TAF12: variants seen among roughly 807,000 people sequenced by gnomAD.
The protein encoded by TAF12 is TATA-box binding protein associated factor 12, also known as transcription initiation factor TFIID subunit 12.
TAF12 carries 3 observed loss-of-function variants against 20.8 expected under a neutral mutation model. The observed-to-expected ratio is 0.14, with a 90% CI of 0.07 to 0.37. The LOEUF (loss-of-function observed/expected upper bound fraction) is 0.37, where lower values mean the gene tolerates loss of function less well. Ranked by LOEUF, TAF12 falls within the 10% of genes least tolerant of loss-of-function variation. TAF12 has a pLI of 1.00. For missense variants in TAF12, 131 were observed against 197.9 expected (o/e 0.66, Z 2.03); for synonymous variants, 69 against 70.2 (o/e 0.98, Z 0.09).
At position 28,603,491 on chromosome 1, in the gene TAF12, C is replaced by G; in HGVS notation, c.*48G>C. 1 of 1,606,358 alleles carries G rather than the reference C, an allele frequency of 6.2e-7. No homozygotes were observed. The highest frequency in any genetic ancestry group is 1.1e-5 in the South Asian group (1 of 90,710). ...GGATGAGATGGCTGAGTTCTCAGCT[C>G]AAGTATCTCCAAATACATTGCTGTC... On this transcript the variant is annotated 3_prime_UTR_variant, in exon 6 of 6. Coordinates refer to ENST00000373824, the MANE Select transcript of TAF12 (RefSeq NM_005644.4).
At chr1:28,611,399 C>T (rs895645793) in intron 4 of TAF12, among the ~76,000 whole-genome samples, 14 of 152,182 alleles carry the variant, frequency 9.2e-5, no homozygotes, top group African/African-American at 1.7e-4. Flanking sequence ...AGATATGTTG[C>T]GGTCTTAACC....
chr1:28,605,466 AG>A lies in TAF12; in HGVS notation c.362-7del. 6.2e-7 allele frequency: 1 copy of A among 1,614,024 alleles called. No homozygotes were observed. Among genetic ancestry groups the A allele is most frequent in the Non-Finnish European group, 8.5e-7 (1 of 1,179,986 alleles). ...CCACATGTTCCACTGGCGCTCTGCA[AG>A]GAAGAAGCCAGCACAGAGATAAACG... On this transcript the variant is annotated splice_polypyrimidine_tract_variant and splice_region_variant and intron_variant, in intron 4 of 5. Transcript: ENST00000373824.
At chr1:28,631,113 C>T (rs773471094) in intron 1 of TAF12, among the ~76,000 whole-genome samples, 2 of 146,824 alleles carry the variant, frequency 1.4e-5, no homozygotes, top group Non-Finnish European at 3.0e-5. Flanking sequence ...ACATATCCAA[C>T]AAATGACTTG....
chr1:28,611,001 T>C (rs537953287), intron 4 of TAF12, among the ~76,000 whole-genome samples: 2 of 149,818 alleles, frequency 1.3e-5, no homozygotes, highest in African/African-American at 2.4e-5. Context: ...GGAGTCTGTG[T>C]TCCCTCCCCC....
In TAF12 at chr1:28,622,092, G is replaced by GT. The variant is rs1667239509; in HGVS notation, c.-12_-11insA. Reference sequence around the variant, plus strand: ...GCCAAACTGGTTCATAATCTGCCGAGCTTTGGACTTCAGCTCATAGAGCTT... The same window carrying GT: ...GCCAAACTGGTTCATAATCTGCCGAGTCTTTGGACTTCAGCTCATAGAGCTT... On this transcript the variant is annotated 5_prime_UTR_variant, in exon 2 of 6. Transcript: ENST00000373824. 1.2e-6 allele frequency: 2 copies of GT among 1,608,986 alleles called. No homozygotes were observed. Among genetic ancestry groups the GT allele is most frequent in the African/African-American group, 1.3e-5 (1 of 74,674 alleles).
At chr1:28,604,828 A>G (rs1333972474) in intron 5 of TAF12, among the ~76,000 whole-genome samples, 1 of 152,182 alleles carries the variant, frequency 6.6e-6, no homozygotes, top group Non-Finnish European at 1.5e-5. Flanking sequence ...CTGACCAAAG[A>G]TGGGGATGAC....
At chr1:28,620,227 G>A (rs527789813) in intron 2 of TAF12, among the ~76,000 whole-genome samples, 10 of 150,698 alleles carry the variant, frequency 6.6e-5, no homozygotes, top group South Asian at 4.2e-4. Flanking sequence ...TCTGCCTCCC[G>A]GGTTCAGGTG....
intron 1 of TAF12, among the ~76,000 whole-genome samples, chr1:28,639,403 T>C (rs1219950974): frequency 9.0e-6 from 1 of 111,572 alleles, no homozygotes; most frequent in Non-Finnish European, 1.8e-5. Context: ...GTAACAAGAG[T>C]GAAAGAGCGA....
intron 4 of TAF12, among the ~76,000 whole-genome samples, chr1:28,612,438 C>CAA (rs930047219): frequency 4.4e-5 from 6 of 137,676 alleles, no homozygotes; most frequent in East Asian, 2.0e-4. Context: ...GAGACTCGAT[C>CAA]AAAAAAATAT....
intron 4 of TAF12, among the ~76,000 whole-genome samples, chr1:28,610,404 G>C (rs1410251124): frequency 2.0e-5 from 3 of 152,166 alleles, no homozygotes; most frequent in African/African-American, 7.2e-5. Context: ...TGATCCTCCT[G>C]TCTTAGCTTC....
intron 1 of TAF12, among the ~76,000 whole-genome samples, chr1:28,631,463 T>C (rs1170954549): frequency 6.6e-6 from 1 of 151,708 alleles, no homozygotes; most frequent in African/African-American, 2.4e-5. Context: ...AGGCGGAGGT[T>C]ACAGTGAGCT....
rs763416769 is a variant in TAF12 at position 28,613,263 on chromosome 1, A to G, written c.345T>C (p.Asp115=). The change falls in exon 4 of 6, where the codon GAT becomes GAC. Residue 115 remains aspartate (D), a synonymous_variant. Coordinates refer to ENST00000373824, the MANE Select transcript of TAF12 (RefSeq NM_005644.4). The part of the protein sequence containing the change: ...HRKSSTLEVK[D]VQLHLERQWN... ...ACCACATACCTAAATGCAGCTGGAC[A>G]TCTTTCACCTCCAGGGTGCTAGACT... 2.9e-5 allele frequency: 47 copies of G among 1,609,776 alleles called. No individual in the cohort carries two copies. The highest frequency in any genetic ancestry group is 3.4e-6 in the Non-Finnish European group (4 of 1,178,222).
In TAF12 at chr1:28,621,896, A is replaced by G; in HGVS notation, c.168+18T>C. On this transcript the variant is annotated intron_variant, in intron 2 of 5. Coordinates refer to ENST00000373824, the MANE Select transcript of TAF12 (RefSeq NM_005644.4). ...GGTAAGAAGTGGCTACAGAGAAGAA[A>G]GAGTAAGAGGATGATACCTGATTGT... 6.2e-7 allele frequency: 1 copy of G among 1,609,576 alleles called. No homozygotes were observed. The highest frequency in any genetic ancestry group is 1.7e-4 in the Middle Eastern group (1 of 6,040).
chr1:28,646,839 C>CA (rs1668202084), upstream of TAF12, among the ~76,000 whole-genome samples: 1 of 152,098 alleles, frequency 6.6e-6, no homozygotes, highest in African/African-American at 2.4e-5. Context: ...GCTGGGACTA[C>CA]AGGCACCCGC....
chr1:28,607,117 T>C (rs1191029395), intron 4 of TAF12, among the ~76,000 whole-genome samples: 1 of 152,224 alleles, frequency 6.6e-6, no homozygotes, highest in East Asian at 1.9e-4. Context: ...CCTAAACTCA[T>C]GTATAAAGGT....
At chr1:28,610,344 G>C (rs958338942) in intron 4 of TAF12, among the ~76,000 whole-genome samples, 1 of 152,120 alleles carries the variant, frequency 6.6e-6, no homozygotes, top group African/African-American at 2.4e-5. Flanking sequence ...ACTCAGGCTA[G>C]AGTGCAGTGG....
chr1:28,626,598 A>AAG (rs1387450806), intron 1 of TAF12, among the ~76,000 whole-genome samples: 5 of 151,112 alleles, frequency 3.3e-5, no homozygotes, highest in Non-Finnish European at 5.9e-5. Context: ...AAAAAAAAAA[A>AAG]AGCAAATAAA....
intron 3 of TAF12, among the ~76,000 whole-genome samples, chr1:28,615,910 T>C (rs1249944925): frequency 6.6e-6 from 1 of 152,100 alleles, no homozygotes; most frequent in Non-Finnish European, 1.5e-5. Context: ...AAGCCAACTG[T>C]GTACCTCTTT....
Position 28,613,302 on chromosome 1 carries a change from A to C in TAF12, c.306T>G (p.Leu102=). The change falls in exon 4 of 6, where the codon CTT becomes CTG. Residue 102 remains leucine (L), a synonymous_variant. Transcript: ENST00000373824. ...IESVVTAACQ[L]ARHRKSSTLE... is the part of the protein sequence containing the mutation. ...GGGTGCTAGACTTGCGATGCCGCGC[A>C]AGCTGACAGGCTGCTGTCACCACAC... 1.2e-6 allele frequency: 2 copies of C among 1,612,624 alleles called. No homozygotes were observed.
Sources: gnomAD v4.1 joint callset for allele counts (sites outside exome capture counted in the v4.1 genomes callset) on GRCh38, gnomAD v4.1.1 for gene constraint, MANE v1.5 for transcripts, NCBI Gene and HGNC (gene_info 2026-07-23, HGNC 2026-07-21) for gene names.